The following SLC35D4 variants were observed in gnomAD, a reference collection of about 807,000 sequenced individuals.
The protein encoded by SLC35D4 is UDP-N-acetylglucosamine transporter SLC35D4.
the SLC35D4 span, among the ~76,000 whole-genome samples, chr18:23,416,695 G>T: frequency 6.6e-6 from 1 of 152,332 alleles, no homozygotes; most frequent in East Asian, 1.9e-4. Flanking sequence ...AAGTTTAATG[G>T]AGCTGTGGGT....
chr18:23,398,071 A>C, the SLC35D4 span, among the ~76,000 whole-genome samples: 1 of 152,190 alleles, frequency 6.6e-6, no homozygotes, highest in Non-Finnish European at 1.5e-5. Context: ...ACTCTGTCTC[A>C]AAACAAAAAC....
At chr18:23,314,467 G>C in the SLC35D4 span, among the ~76,000 whole-genome samples, 1 of 152,092 alleles carries the variant, frequency 6.6e-6, no homozygotes. Flanking sequence ...CCCTGGGGGG[G>C]GCTACTAAGT....
chr18:23,418,717 T>A, the SLC35D4 span, among the ~76,000 whole-genome samples: 1 of 151,302 alleles, frequency 6.6e-6, no homozygotes, highest in African/African-American at 2.4e-5. Flanking sequence ...ACTTAACAAT[T>A]AAGCAGTTGG....
At chr18:23,421,463 A>T in the SLC35D4 span, 1 of 1,613,460 alleles carries the variant, frequency 6.2e-7, no homozygotes, top group East Asian at 2.2e-5. Flanking sequence ...GACAAGGGGC[A>T]ATGTGAATTT....
the SLC35D4 span, among the ~76,000 whole-genome samples, chr18:23,291,122 T>C: frequency 6.6e-6 from 1 of 152,216 alleles, no homozygotes; most frequent in African/African-American, 2.4e-5. Context: ...CTGTGGGTCT[T>C]GCCCTGCAAT....
the SLC35D4 span, among the ~76,000 whole-genome samples, chr18:23,377,433 T>A: frequency 6.6e-6 from 1 of 152,238 alleles, no homozygotes; most frequent in Non-Finnish European, 1.5e-5. Context: ...CACAGGTTGG[T>A]TCTGGTGTTT....
the SLC35D4 span, among the ~76,000 whole-genome samples, chr18:23,323,431 CCTTT>C: frequency 6.6e-6 from 1 of 152,208 alleles, no homozygotes; most frequent in Admixed American, 6.5e-5. Context: ...CTGCCTCCTT[CCTTT>C]ATTTAGCTCA....
At chr18:23,406,262 G>A in the SLC35D4 span, among the ~76,000 whole-genome samples, 1 of 152,124 alleles carries the variant, frequency 6.6e-6, no homozygotes, top group African/African-American at 2.4e-5. Flanking sequence ...ATAGCTCTAC[G>A]AGACAGAGAA....
chr18:23,412,863 A>G, the SLC35D4 span, among the ~76,000 whole-genome samples: 88 of 152,316 alleles, frequency 5.8e-4, no homozygotes, highest in African/African-American at 2.0e-3. Flanking sequence ...AAGAGCCCAC[A>G]AGGCTAACAT....
chr18:23,383,169 C>T, the SLC35D4 span, among the ~76,000 whole-genome samples: 1 of 152,056 alleles, frequency 6.6e-6, no homozygotes. Flanking sequence ...CTGAGCTCAG[C>T]AGGAGGTATG....
At chr18:23,370,114 G>A in the SLC35D4 span, 2 of 940,972 alleles carry the variant, frequency 2.1e-6, no homozygotes, top group Admixed American at 5.7e-5. Flanking sequence ...GGGGGGTGGA[G>A]GGTGCGGTGA....
At chr18:23,344,205 C>T in the SLC35D4 span, among the ~76,000 whole-genome samples, 1 of 152,260 alleles carries the variant, frequency 6.6e-6, no homozygotes, top group East Asian at 1.9e-4. Flanking sequence ...TTTATGGCTG[C>T]ATAGTATCCC....
At chr18:23,280,337 A>C in the SLC35D4 span, among the ~76,000 whole-genome samples, 2 of 152,226 alleles carry the variant, frequency 1.3e-5, no homozygotes, top group Non-Finnish European at 2.9e-5. Context: ...TGTGAGACCA[A>C]GGCTGTGGCT....
chr18:23,254,394 A>G, the SLC35D4 span, among the ~76,000 whole-genome samples: 1 of 152,228 alleles, frequency 6.6e-6, no homozygotes, highest in African/African-American at 2.4e-5. Flanking sequence ...GCCCTAGCAA[A>G]GCAAGGAAAC....
At chr18:23,388,757 C>T in the SLC35D4 span, among the ~76,000 whole-genome samples, 675 of 152,246 alleles carry the variant, frequency 4.4e-3, 4 homozygotes, top group African/African-American at 0.016. Flanking sequence ...GGATGTCCCC[C>T]TTGCTGTTCT....
the SLC35D4 span, among the ~76,000 whole-genome samples, chr18:23,349,778 G>T: frequency 7.0e-6 from 1 of 143,202 alleles, no homozygotes; most frequent in East Asian, 2.0e-4. Context: ...AGTCCCTCTA[G>T]AGCACTTTCA....
chr18:23,241,815 G>A, the SLC35D4 span, among the ~76,000 whole-genome samples: 1 of 152,192 alleles, frequency 6.6e-6, no homozygotes, highest in African/African-American at 2.4e-5. Context: ...GTCAGGACAT[G>A]TCTTAGAGTG....
At chr18:23,368,115 T>C in the SLC35D4 span, among the ~76,000 whole-genome samples, 1 of 152,174 alleles carries the variant, frequency 6.6e-6, no homozygotes, top group Non-Finnish European at 1.5e-5. Flanking sequence ...CCTGAAAGTC[T>C]AGTTTAAAAT....
the SLC35D4 span, chr18:23,365,814 G>A: frequency 1.2e-6 from 1 of 863,836 alleles, no homozygotes; most frequent in East Asian, 2.7e-5. Context: ...CAGCTCCTCA[G>A]AGAGAGTAAG....
Sources: allele counts gnomAD v4.1 joint callset (sites outside exome capture counted in the v4.1 genomes callset), GRCh38; gene constraint gnomAD v4.1.1; transcripts MANE v1.5; gene names NCBI Gene and HGNC (gene_info 2026-07-23, HGNC 2026-07-21).